TENM1: variants seen among roughly 807,000 people sequenced by gnomAD.
TENM1 encodes teneurin-1.
A neutral mutation model predicts 174.8 loss-of-function variants in TENM1; 35 were observed. The ratio of observed to expected loss-of-function variants is 0.20; its 90% CI spans 0.15 to 0.27. The LOEUF is 0.27. Ranked by LOEUF, TENM1 falls within the 10% of genes least tolerant of loss-of-function variation. TENM1 has a pLI of 1.00. For missense variants in TENM1, 1,633 were observed against 2,130.1 expected (o/e 0.77, Z 4.59); for synonymous variants, 781 against 798.7 (o/e 0.98, Z 0.37).
chrX:124,388,160 GAC>G (rs2060243858), intron 28 of TENM1, among the ~76,000 whole-genome samples: 1 of 111,628 alleles, frequency 9.0e-6, no homozygotes, highest in South Asian at 3.8e-4. Context: ...TGTCACCTGT[GAC>G]ACGGGCCAGG....
chrX:124,830,792 T>C (rs1322168504), intron 3 of TENM1, among the ~76,000 whole-genome samples: 1 of 111,901 alleles, frequency 8.9e-6, no homozygotes, highest in Non-Finnish European at 1.9e-5. Flanking sequence ...GTGGAGCCTA[T>C]CTACCACCAT....
At chrX:125,005,847 C>T in the TENM1 span, among the ~76,000 whole-genome samples, 45 of 111,888 alleles carry the variant, frequency 4.0e-4, no homozygotes, top group African/African-American at 1.4e-3. Flanking sequence ...CAGGGTACTA[C>T]ACTTTTCCCA....
chrX:124,948,669 C>T (rs945489706), intron 1 of TENM1, among the ~76,000 whole-genome samples: 5 of 112,251 alleles, frequency 4.5e-5, no homozygotes, highest in African/African-American at 1.6e-4. Context: ...TCTCCAGCCT[C>T]AGCCTCCTGA....
intron 3 of TENM1, among the ~76,000 whole-genome samples, chrX:124,840,141 T>G (rs2056468806): frequency 8.9e-6 from 1 of 111,773 alleles, no homozygotes; most frequent in Non-Finnish European, 1.9e-5. Context: ...CTTCTTTTCT[T>G]AGATGCCCAC....
At chrX:124,970,534 TCTGA>T in the TENM1 span, among the ~76,000 whole-genome samples, 2 of 112,442 alleles carry the variant, frequency 1.8e-5, no homozygotes, top group Non-Finnish European at 3.8e-5. Context: ...AAGGTGAAAT[TCTGA>T]CTGATTCTCC....
chrX:124,723,604 T>C (rs28516662), intron 4 of TENM1, among the ~76,000 whole-genome samples: 1 of 59,125 alleles, frequency 1.7e-5, no homozygotes, highest in African/African-American at 8.8e-5. Flanking sequence ...TTTTTTTTTG[T>C]TTTTTTTTTT....
chrX:125,187,864 G>A, the TENM1 span, among the ~76,000 whole-genome samples: 3 of 111,518 alleles, frequency 2.7e-5, no homozygotes, highest in East Asian at 5.6e-4. Context: ...ATTTAAATAA[G>A]CACATTATAA....
At chrX:124,641,896 G>A (rs770588932) in exon 11 of TENM1, 1 of 1,210,247 alleles carries the variant, frequency 8.3e-7, no homozygotes, top group Non-Finnish European at 1.1e-6. Flanking sequence ...ACAGGAAGTG[G>A]TGTTTCACAG....
chrX:124,561,743 C>G, exon 14 of TENM1: 1 of 1,211,391 alleles, frequency 8.3e-7, no homozygotes, highest in Non-Finnish European at 1.1e-6. Context: ...CTCCAACCCA[C>G]CTGACACACA....
the TENM1 span, among the ~76,000 whole-genome samples, chrX:125,077,903 C>T: frequency 9.8e-5 from 11 of 111,692 alleles, no homozygotes; most frequent in East Asian, 3.1e-3. Flanking sequence ...GTACTACTTA[C>T]TAATTAAAAT....
chrX:124,408,079 C>A (rs1401157520), intron 25 of TENM1, among the ~76,000 whole-genome samples: 2 of 111,425 alleles, frequency 1.8e-5, no homozygotes, highest in African/African-American at 6.5e-5. Context: ...ACTTTAGCCC[C>A]AACCTTGTCT....
intron 22 of TENM1, among the ~76,000 whole-genome samples, chrX:124,455,250 A>G (rs904849692): frequency 1.8e-5 from 2 of 111,952 alleles, no homozygotes; most frequent in Admixed American, 9.5e-5. Context: ...ATGTCCATAA[A>G]TCCCTTTATA....
chrX:124,730,177 T>C (rs1398253702), intron 4 of TENM1, among the ~76,000 whole-genome samples: 2 of 111,470 alleles, frequency 1.8e-5, no homozygotes, highest in Non-Finnish European at 3.8e-5. Flanking sequence ...GCCAAGTGTA[T>C]TCTATTTAAA....
chrX:124,653,999 C>T (rs1347183060), intron 6 of TENM1, among the ~76,000 whole-genome samples: 1 of 111,775 alleles, frequency 8.9e-6, no homozygotes, highest in Non-Finnish European at 1.9e-5. Flanking sequence ...CTCTTCAAAC[C>T]CTATTGCATT....
intron 1 of TENM1, among the ~76,000 whole-genome samples, chrX:124,901,881 C>A (rs988994045): frequency 9.0e-6 from 1 of 111,699 alleles, no homozygotes; most frequent in African/African-American, 3.3e-5. Context: ...TTAATTTTAA[C>A]CATGACCTGA....
At chrX:125,110,587 A>ATTT in the TENM1 span, among the ~76,000 whole-genome samples, 19 of 103,336 alleles carry the variant, frequency 1.8e-4, no homozygotes, top group Non-Finnish European at 2.4e-4. Context: ...CCCCTATCCC[A>ATTT]TTTTTTTTTT....
At chrX:125,070,200 T>C in the TENM1 span, among the ~76,000 whole-genome samples, 1 of 109,339 alleles carries the variant, frequency 9.1e-6, no homozygotes, top group Non-Finnish European at 1.9e-5. Flanking sequence ...GTAATAATAA[T>C]AATAATAATA....
chrX:124,744,865 G>T (rs758241406), intron 3 of TENM1, among the ~76,000 whole-genome samples: 23 of 111,574 alleles, frequency 2.1e-4, no homozygotes, highest in Admixed American at 5.7e-4. Flanking sequence ...CCCTGTATTT[G>T]TTCAAAAGGC....
chrX:124,662,521 C>A (rs1163916175), intron 6 of TENM1, among the ~76,000 whole-genome samples: 3 of 107,346 alleles, frequency 2.8e-5, no homozygotes, highest in Non-Finnish European at 5.8e-5. Flanking sequence ...AATAACATGA[C>A]CCAACTGCCC....
Sources: allele counts gnomAD v4.1 joint callset (sites outside exome capture counted in the v4.1 genomes callset), GRCh38; gene constraint gnomAD v4.1.1; transcripts MANE v1.5; gene names NCBI Gene and HGNC (gene_info 2026-07-23, HGNC 2026-07-21).